The following TXNRD1 variants were observed in gnomAD, a reference collection of about 807,000 sequenced individuals.
TXNRD1 encodes the protein thioredoxin reductase 1.
Under a neutral mutation model 80.3 loss-of-function variants are expected in TXNRD1, and 57 were observed. That is an observed-to-expected ratio of 0.71 (90% confidence interval 0.57 to 0.89). The LOEUF is 0.89. TXNRD1 is among the 40% of genes least tolerant of loss of function. The pLI, the probability that TXNRD1 is intolerant of heterozygous loss-of-function variation, is 0.00. For synonymous variants in TXNRD1, 291 were observed against 285.2 expected, an observed-to-expected ratio of 1.02 and a Z score of -0.20; for missense variants, 730 against 803.0, an observed-to-expected ratio of 0.91 and a Z score of 1.10.
intron 16 of TXNRD1, among the ~76,000 whole-genome samples, chr12:104,346,827 G>A (rs2036506567): frequency 6.6e-6 from 1 of 152,190 alleles, no homozygotes; most frequent in African/African-American, 2.4e-5. Context: ...AGGCACAGTG[G>A]CTCATGCCTG....
chr12:104,287,601 A>G (rs979193773), intron 3 of TXNRD1, among the ~76,000 whole-genome samples: 10 of 152,206 alleles, frequency 6.6e-5, no homozygotes, highest in Non-Finnish European at 2.9e-5. Context: ...GGCAAAACAC[A>G]TGGGGTCTCC....
At chr12:104,335,202 T>C (rs35322958) in intron 15 of TXNRD1, among the ~76,000 whole-genome samples, 10 of 2,026 alleles carry the variant, frequency 4.9e-3, no homozygotes, top group Non-Finnish European at 9.3e-3. Flanking sequence ...TTACAGTCCT[T>C]TTTTTTTTTT....
chr12:104,272,495 T>A (rs1234289932), intron 3 of TXNRD1, among the ~76,000 whole-genome samples: 1 of 151,986 alleles, frequency 6.6e-6, no homozygotes, highest in Non-Finnish European at 1.5e-5. Flanking sequence ...AAGTTAAGTT[T>A]AAAAGTAGAA....
intron 4 of TXNRD1, among the ~76,000 whole-genome samples, chr12:104,296,254 G>T (rs1345828559): frequency 6.6e-6 from 1 of 152,082 alleles, no homozygotes; most frequent in Non-Finnish European, 1.5e-5. Context: ...TGCAAATCTT[G>T]GTATTCCTAG....
chr12:104,244,978 A>G (rs2032945652), intron 1 of TXNRD1, among the ~76,000 whole-genome samples: 1 of 152,184 alleles, frequency 6.6e-6, no homozygotes, highest in Non-Finnish European at 1.5e-5. Context: ...GTGAGTATTG[A>G]TAGGCCTGTG....
intron 4 of TXNRD1, among the ~76,000 whole-genome samples, chr12:104,295,368 A>G (rs1157457464): frequency 6.6e-6 from 1 of 152,108 alleles, no homozygotes; most frequent in Non-Finnish European, 1.5e-5. Context: ...GGACCATTTC[A>G]TCAGTCTTTA....
At chr12:104,281,446 G>T (rs1479537926) in intron 3 of TXNRD1, among the ~76,000 whole-genome samples, 1 of 118,894 alleles carries the variant, frequency 8.4e-6, no homozygotes, top group African/African-American at 3.4e-5. Context: ...TCACTGTGTC[G>T]CCCGGGCTGG....
At chr12:104,240,194 G>A (rs2032828796) in intron 1 of TXNRD1, among the ~76,000 whole-genome samples, 1 of 152,128 alleles carries the variant, frequency 6.6e-6, no homozygotes, top group East Asian at 1.9e-4. Flanking sequence ...TTTTCCTCCA[G>A]ATATCCTGTT....
At chr12:104,239,320 G>C (rs527516544) in intron 1 of TXNRD1, among the ~76,000 whole-genome samples, 1 of 151,684 alleles carries the variant, frequency 6.6e-6, no homozygotes, top group Non-Finnish European at 1.5e-5. Flanking sequence ...CAGCCTCCTG[G>C]GTAGCTGGGA....
At chr12:104,283,245 T>C (rs1220919830) in intron 3 of TXNRD1, among the ~76,000 whole-genome samples, 2 of 152,004 alleles carry the variant, frequency 1.3e-5, no homozygotes, top group Admixed American at 6.6e-5. Flanking sequence ...ACACTGTCTT[T>C]TTTGTTTTTG....
intron 14 of TXNRD1, among the ~76,000 whole-genome samples, chr12:104,333,367 T>C (rs1565910866): frequency 2.6e-5 from 4 of 152,158 alleles, no homozygotes; most frequent in Admixed American, 6.5e-5. Context: ...GTGTTTGAGT[T>C]GAAGAAACTT....
chr12:104,245,249 C>A lies in TXNRD1; in HGVS notation c.92-6278C>A, dbSNP rs374714676. ...AGTTAAGGCTCGGCGCGGTGGCTCA[C>A]GCCTGTAATCCCAGCACTTTGGGAG... is the stretch of plus-strand genomic sequence containing the variant. On this transcript the variant is annotated intron_variant, in intron 1 of 16. Coordinates refer to ENST00000525566, the MANE Select transcript of TXNRD1 (RefSeq NM_001093771.3). Among the ~76,000 whole-genome samples the A allele has an allele frequency of 1.3e-3, 190 of 151,838 alleles. 3 individuals are homozygous for A. Among genetic ancestry groups the A allele is most frequent in the South Asian group, 5.0e-3 (24 of 4,810 alleles).
Position 104,258,018 on chromosome 12 carries a change from G to T in TXNRD1, c.244-1G>T, listed in dbSNP as rs781400271. 2.4e-5 allele frequency: 37 copies of T among 1,544,380 alleles called. No individual in the cohort carries two copies. In the South Asian group the frequency reaches 4.4e-4, roughly 18 times the overall value. On this transcript the variant is annotated splice_acceptor_variant, in intron 2 of 16. Transcript: ENST00000525566. LOFTEE classifies it high-confidence loss of function. Reference sequence around the variant, plus strand: ...CCTCCTTGTTTTTCAACTTCTTCCAGGTAAAGAAGTTATTTAAATCTCTGT... The same window carrying T: ...CCTCCTTGTTTTTCAACTTCTTCCATGTAAAGAAGTTATTTAAATCTCTGT...
In TXNRD1 at chr12:104,258,009, C is replaced by A; in HGVS notation, c.244-10C>A. 2 of 1,541,758 alleles carry A rather than the reference C, an allele frequency of 1.3e-6. No homozygotes were observed. Among genetic ancestry groups the A allele is most frequent in the Non-Finnish European group, 1.8e-6 (2 of 1,142,520 alleles). Reference sequence around the variant, plus strand: ...TTTCATTTTCCTCCTTGTTTTTCAACTTCTTCCAGGTAAAGAAGTTATTTA... The same window carrying A: ...TTTCATTTTCCTCCTTGTTTTTCAAATTCTTCCAGGTAAAGAAGTTATTTA... On this transcript the variant is annotated splice_polypyrimidine_tract_variant and intron_variant, in intron 2 of 16. Transcript: ENST00000525566.
chr12:104,272,471 G>C (rs1167532046), intron 3 of TXNRD1, among the ~76,000 whole-genome samples: 1 of 152,126 alleles, frequency 6.6e-6, no homozygotes, highest in Non-Finnish European at 1.5e-5. Flanking sequence ...ACTCGAAAAG[G>C]TTGCTTTACG....
chr12:104,294,496 G>C (rs2034369926), intron 4 of TXNRD1, among the ~76,000 whole-genome samples: 1 of 152,050 alleles, frequency 6.6e-6, no homozygotes, highest in Non-Finnish European at 1.5e-5. Flanking sequence ...TGATTATTGA[G>C]TGAGGATTAT....
intron 3 of TXNRD1, chr12:104,288,591 T>G (rs2034055396): frequency 2.6e-6 from 1 of 381,440 alleles, no homozygotes; most frequent in Non-Finnish European, 4.4e-6. Flanking sequence ...GCTTCTTTTT[T>G]GAAGCTTTTC....
intron 4 of TXNRD1, among the ~76,000 whole-genome samples, chr12:104,292,766 C>T (rs190296803): frequency 3.4e-4 from 51 of 152,118 alleles, no homozygotes; most frequent in Admixed American, 7.9e-4. Context: ...AAGTTTGAGA[C>T]GCTTTAATAT....
At chr12:104,322,918 G>A in intron 10 of TXNRD1, among the ~76,000 whole-genome samples, 1 of 142,618 alleles carries the variant, frequency 7.0e-6, no homozygotes, top group East Asian at 2.0e-4. Context: ...GTGAACAAAG[G>A]TCTCTGGTTT....
Sources: allele counts gnomAD v4.1 joint callset (sites outside exome capture counted in the v4.1 genomes callset), GRCh38; gene constraint gnomAD v4.1.1; transcripts MANE v1.5; gene names NCBI Gene and HGNC (gene_info 2026-07-23, HGNC 2026-07-21).